Variants in B3GALT1 observed in about 807,000 individuals in gnomAD.
B3GALT1 encodes the protein beta-1,3-galactosyltransferase 1, also known as UDP-Gal:betaGlcNAc beta 1,3-galactosyltransferase, polypeptide 1.
Under a neutral mutation model 23.2 loss-of-function variants are expected in B3GALT1, and 10 were observed. The ratio of observed to expected loss-of-function variants is 0.43; its 90% confidence interval spans 0.27 to 0.73. B3GALT1 has a LOEUF of 0.73. Among genes scored for constraint, B3GALT1 ranks in the 30% least tolerant of loss-of-function variants. The pLI is 0.21. For missense variants in B3GALT1, 299 were observed against 405.4 expected (o/e 0.74, Z 2.25); for synonymous variants, 156 against 141.5 (o/e 1.10, Z -0.73).
intron 1 of B3GALT1, among the ~76,000 whole-genome samples, chr2:167,407,207 A>G (rs1698296022): frequency 6.6e-6 from 1 of 152,210 alleles, no homozygotes; most frequent in African/African-American, 2.4e-5. Flanking sequence ...AAATACACAA[A>G]CACATGGAAA....
At chr2:167,316,903 T>G (rs1340607643) in intron 1 of B3GALT1, among the ~76,000 whole-genome samples, 1 of 152,050 alleles carries the variant, frequency 6.6e-6, no homozygotes, top group Non-Finnish European at 1.5e-5. Flanking sequence ...TCCACAAAAT[T>G]TTGAAGGCAC....
chr2:167,838,562 G>A (rs1430307373), intron 4 of B3GALT1, among the ~76,000 whole-genome samples: 1 of 152,274 alleles, frequency 6.6e-6, no homozygotes, highest in East Asian at 1.9e-4. Context: ...AAGAGTCCAG[G>A]ACCAGAAGGA....
intron 2 of B3GALT1, among the ~76,000 whole-genome samples, chr2:167,539,813 T>G (rs1298728769): frequency 6.6e-6 from 1 of 152,092 alleles, no homozygotes; most frequent in African/African-American, 2.4e-5. Flanking sequence ...AATAACAAGA[T>G]ATAATTTAAA....
rs1317717797 is a variant in B3GALT1, at chr2:167,665,354, AT to A, written c.-352+18391del. ...GATAAGCTTTTTGATGTGCTGCTGG[AT>A]TTCGTTTGCCAGTATTTTATTGAGG... On this transcript the variant is annotated intron_variant, in intron 3 of 4. Transcript: ENST00000392690. Among the ~76,000 whole-genome samples, 19 of 120,066 alleles carry A rather than the reference AT, an allele frequency of 1.6e-4. No homozygotes were observed. The South Asian group carries it at 2.0e-3, about 12-fold the overall frequency. The allele number at this position is 120,066 out of a possible 152,430, so 78.8% of individuals were successfully genotyped here. A position where few individuals can be genotyped will look rare whatever the true frequency, so the allele number is the denominator to read the frequency against.
intron 3 of B3GALT1, among the ~76,000 whole-genome samples, chr2:167,808,061 CTTCT>C (rs1445396333): frequency 6.6e-6 from 1 of 151,970 alleles, no homozygotes; most frequent in Non-Finnish European, 1.5e-5. Context: ...ATGTAATGGC[CTTCT>C]TTGTCTCTTT....
intron 4 of B3GALT1, among the ~76,000 whole-genome samples, chr2:167,832,500 A>C (rs1302143902): frequency 6.6e-6 from 1 of 152,226 alleles, no homozygotes; most frequent in Admixed American, 6.5e-5. Context: ...AGTTATGAGA[A>C]TCTCACTTTT....
Position 167,714,206 on chromosome 2 carries a change from GGAGGAA to G in B3GALT1, c.-352+67244_-352+67249del. ...AGAATAAAATCTGTCTTCCCTTTGT[GGAGGAA>G]GAGCTGAATCAGGATATGATTGTCC... On this transcript the variant is annotated intron_variant, in intron 3 of 4. Coordinates refer to ENST00000392690, the MANE Select transcript of B3GALT1 (RefSeq NM_020981.4). 12 of 1,508,624 alleles carry G rather than the reference GGAGGAA, an allele frequency of 8.0e-6. No homozygotes were observed. The South Asian group carries it at 1.0e-4, about 13-fold the overall frequency. 93.5% of individuals were successfully genotyped at this position (1,508,624 alleles called of 1,614,324 possible).
chr2:167,443,789 A>G (rs1425748027), intron 1 of B3GALT1, among the ~76,000 whole-genome samples: 2 of 152,104 alleles, frequency 1.3e-5, no homozygotes, highest in African/African-American at 4.8e-5. Flanking sequence ...GGGTTTTCTA[A>G]ATATACAATC....
At chr2:167,434,758 T>G (rs1389602421) in intron 1 of B3GALT1, among the ~76,000 whole-genome samples, 12 of 137,986 alleles carry the variant, frequency 8.7e-5, no homozygotes, top group Admixed American at 2.2e-4. Flanking sequence ...GAAGAAATAG[T>G]TATTTCTAGA....
chr2:167,365,532 TAAG>T (rs1214757073), intron 1 of B3GALT1, among the ~76,000 whole-genome samples: 1 of 151,516 alleles, frequency 6.6e-6, no homozygotes, highest in Non-Finnish European at 1.5e-5. Flanking sequence ...ACAGAAGATA[TAAG>T]AAGATCGTAT....
chr2:167,517,096 C>T (rs1224952937), intron 2 of B3GALT1, among the ~76,000 whole-genome samples: 1 of 151,832 alleles, frequency 6.6e-6, no homozygotes, highest in Admixed American at 6.6e-5. Context: ...CTGGTGTATA[C>T]ATATATTAAA....
intron 1 of B3GALT1, among the ~76,000 whole-genome samples, chr2:167,400,188 G>GTGTGTGTGTGTC (rs1450130387): frequency 2.6e-5 from 4 of 151,542 alleles, no homozygotes; most frequent in Admixed American, 6.6e-5. Flanking sequence ...GTGTGTGTGT[G>GTGTGTGTGTGTC]TGTGTCTGTG....
Position 167,684,736 on chromosome 2 carries a change from C to T in B3GALT1, c.-352+37770C>T, listed in dbSNP as rs1686588577. ...TTCTAAGCAGATTATTTTAATAATT[C>T]TCATTATTGGAATTCTTTAACTTGA... On this transcript the variant is annotated intron_variant, in intron 3 of 4. Transcript: ENST00000392690. Among the ~76,000 whole-genome samples, 3 of 152,122 alleles carry T rather than the reference C, an allele frequency of 2.0e-5. No homozygotes were observed. The South Asian group carries it at 6.2e-4, about 31-fold the overall frequency.
intron 3 of B3GALT1, among the ~76,000 whole-genome samples, chr2:167,711,464 C>G (rs937955652): frequency 6.6e-6 from 1 of 152,070 alleles, no homozygotes. Flanking sequence ...ACCTGACGGT[C>G]CTCTGAGTCA....
At chr2:167,448,577 G>C (rs995395214) in intron 1 of B3GALT1, among the ~76,000 whole-genome samples, 2 of 152,076 alleles carry the variant, frequency 1.3e-5, no homozygotes, top group African/African-American at 2.4e-5. Flanking sequence ...TGTTTACTCT[G>C]CTGATTATTT....
At chr2:167,793,752 G>C (rs771510763) in intron 3 of B3GALT1, among the ~76,000 whole-genome samples, 6 of 152,160 alleles carry the variant, frequency 3.9e-5, no homozygotes, top group Non-Finnish European at 8.8e-5. Flanking sequence ...TGTTTGGCTT[G>C]CGTGGATGGC....
At chr2:167,778,773 T>C (rs1688202880) in intron 3 of B3GALT1, among the ~76,000 whole-genome samples, 1 of 152,218 alleles carries the variant, frequency 6.6e-6, no homozygotes, top group South Asian at 2.1e-4. Context: ...TGTTTGTGGG[T>C]GGCAAATCCT....
chr2:167,326,653 T>G (rs1574034059), intron 1 of B3GALT1, among the ~76,000 whole-genome samples: 1 of 152,116 alleles, frequency 6.6e-6, no homozygotes, highest in Admixed American at 6.5e-5. Flanking sequence ...CTGTATATGG[T>G]TATCCAGTTT....
In B3GALT1 at chr2:167,536,096, G is replaced by A. The variant is rs1683418721; in HGVS notation, c.-410+45819G>A. Among the ~76,000 whole-genome samples the A allele has an allele frequency of 2.6e-5, 4 of 152,048 alleles. No individual in the cohort carries two copies. The South Asian group carries it at 8.3e-4, about 32-fold the overall frequency. On this transcript the variant is annotated intron_variant, in intron 2 of 4. Coordinates refer to ENST00000392690, the MANE Select transcript of B3GALT1 (RefSeq NM_020981.4). Reference sequence around the variant, plus strand: ...TAATTTTTGTACTTTTAGTAGAGACGTGATTTCACTATGTTGATCAGGCTG... The same window carrying A: ...TAATTTTTGTACTTTTAGTAGAGACATGATTTCACTATGTTGATCAGGCTG...
Sources: gnomAD v4.1 joint callset for allele counts (sites outside exome capture counted in the v4.1 genomes callset) on GRCh38, gnomAD v4.1.1 for gene constraint, MANE v1.5 for transcripts, NCBI Gene and HGNC (gene_info 2026-07-23, HGNC 2026-07-21) for gene names.